The following DPF3 variants were observed in gnomAD, a reference collection of about 807,000 sequenced individuals.
The protein encoded by DPF3 is double PHD fingers 3.
A neutral mutation model predicts 56.8 loss-of-function variants in DPF3; 18 were observed. The ratio of observed to expected loss-of-function variants is 0.32; its 90% CI spans 0.22 to 0.47. The LOEUF (loss-of-function observed/expected upper bound fraction) is 0.47. DPF3 is among the 20% of genes least tolerant of loss of function. The probability of loss-of-function intolerance (pLI) is 1.00; values close to 1 mark genes in which losing one functional copy is unlikely to be tolerated. For synonymous variants in DPF3, 188 were observed against 180.2 expected, an observed-to-expected ratio of 1.04 and a Z score of -0.35; for missense variants, 403 against 488.8, an observed-to-expected ratio of 0.82 and a Z score of 1.65.
intron 6 of DPF3, among the ~76,000 whole-genome samples, chr14:72,698,691 A>T (rs1026312031): frequency 4.6e-5 from 7 of 152,302 alleles, no homozygotes; most frequent in South Asian, 2.1e-4. Context: ...AACATAAAAT[A>T]AAAAAGTAGG....
intron 8 of DPF3, among the ~76,000 whole-genome samples, chr14:72,655,268 A>G (rs1886030863): frequency 6.6e-6 from 1 of 152,148 alleles, no homozygotes; most frequent in South Asian, 2.1e-4. Context: ...AATTTTTGTC[A>G]TTTATCTATA....
chr14:72,611,945 G>A lies in DPF3; in HGVS notation c.*7352C>T, dbSNP rs1567173990. On this transcript the variant is annotated 3_prime_UTR_variant, in exon 11 of 11. Transcript: ENST00000556509. ...CCTACAATCACGATTGCTTGGCAGA[G>A]CTTAATTTCATGGCTGAAAAGCAAC... is the stretch of plus-strand genomic sequence containing the variant. Among the ~76,000 whole-genome samples the A allele has an allele frequency of 6.6e-6, 1 of 152,154 alleles. No individual in the cohort carries two copies. Among genetic ancestry groups the A allele is most frequent in the Non-Finnish European group, 1.5e-5 (1 of 68,032 alleles).
Position 72,619,313 on chromosome 14 carries a change from AAGGCTG to A in DPF3, c.1115_1120del (p.Ser372_Ala373del). ...CCTGGGGCCCTAGGCCTGGCAGCCAAAGGCTGAGGCTTTCTCTTTGAGCAGTTCCCA... is the reference window on the plus strand; with the variant it reads ...CCTGGGGCCCTAGGCCTGGCAGCCAAAGGCTTTCTCTTTGAGCAGTTCCCA... On this transcript the variant is annotated inframe_deletion, in exon 11 of 11. Coordinates refer to ENST00000556509, the MANE Select transcript of DPF3 (RefSeq NM_001280542.3). The A allele has an allele frequency of 6.5e-7, 1 of 1,536,110 alleles. No homozygotes were observed. The highest frequency in any genetic ancestry group is 8.7e-7 in the Non-Finnish European group (1 of 1,146,896).
At chr14:72,646,556 C>T (rs1386143162) in intron 8 of DPF3, among the ~76,000 whole-genome samples, 1 of 152,102 alleles carries the variant, frequency 6.6e-6, no homozygotes, top group African/African-American at 2.4e-5. Flanking sequence ...GGAGGCTGCT[C>T]ATAAATCAGA....
chr14:72,718,771 A>ATTTCTTTTTTTTTTT (rs1889042056), intron 5 of DPF3, among the ~76,000 whole-genome samples: 1 of 93,896 alleles, frequency 1.1e-5, no homozygotes, highest in Non-Finnish European at 1.9e-5. Context: ...CACCCTTGCT[A>ATTTCTTTTTTTTTTT]TTTTTTTTTT....
intron 8 of DPF3, among the ~76,000 whole-genome samples, chr14:72,653,702 G>C (rs1885984731): frequency 6.6e-6 from 1 of 152,156 alleles, no homozygotes; most frequent in Non-Finnish European, 1.5e-5. Context: ...TGGCCTGTCA[G>C]ATACAAAGCT....
intron 1 of DPF3, among the ~76,000 whole-genome samples, chr14:72,842,763 C>A (rs902828799): frequency 3.3e-5 from 5 of 152,318 alleles, no homozygotes; most frequent in African/African-American, 1.2e-4. Context: ...GTGGCTCACA[C>A]TGGTAATCCC....
chr14:72,833,610 A>G (rs1884157094), intron 1 of DPF3, among the ~76,000 whole-genome samples: 2 of 152,200 alleles, frequency 1.3e-5, no homozygotes, highest in Admixed American at 6.5e-5. Context: ...AGAGACCCCA[A>G]AAAACGTTGA....
At chr14:72,786,967 T>C (rs550482265) in intron 1 of DPF3, among the ~76,000 whole-genome samples, 7 of 152,344 alleles carry the variant, frequency 4.6e-5, no homozygotes, top group African/African-American at 1.7e-4. Context: ...TTCCTCCTGT[T>C]GAGTTGCAGG....
At chr14:72,880,085 G>T (rs1054586075) in intron 1 of DPF3, 9 of 853,874 alleles carry the variant, frequency 1.1e-5, no homozygotes, top group South Asian at 2.5e-5. Flanking sequence ...TAAGTTTTCA[G>T]AACTAGCAGA....
At position 72,674,382 on chromosome 14, in the gene DPF3, TA is replaced by T; in HGVS notation, c.743-15del. The T allele has an allele frequency of 6.2e-7, 1 of 1,610,418 alleles. No individual in the cohort carries two copies. The highest frequency in any genetic ancestry group is 8.5e-7 in the Non-Finnish European group (1 of 1,178,292). ...GTCCTTTCTGGGCTGTGGGAACATT[TA>T]AAACATTCCAATTTCAGGCTTACAT... is the stretch of plus-strand genomic sequence containing the variant. On this transcript the variant is annotated splice_polypyrimidine_tract_variant and intron_variant, in intron 7 of 10. Coordinates refer to ENST00000556509, the MANE Select transcript of DPF3 (RefSeq NM_001280542.3).
At chr14:72,835,318 G>A (rs766588494) in intron 1 of DPF3, among the ~76,000 whole-genome samples, 14 of 152,166 alleles carry the variant, frequency 9.2e-5, no homozygotes, top group South Asian at 6.2e-4. Flanking sequence ...CTCCCTCCTC[G>A]GCCTCCCAAA....
chr14:72,878,368 T>C (rs1351672489), intron 1 of DPF3, among the ~76,000 whole-genome samples: 1 of 152,230 alleles, frequency 6.6e-6, no homozygotes, highest in East Asian at 1.9e-4. Context: ...CTATACTTGG[T>C]TGGGACACAG....
At chr14:72,847,517 A>G (rs893885615) in intron 1 of DPF3, among the ~76,000 whole-genome samples, 1 of 151,288 alleles carries the variant, frequency 6.6e-6, no homozygotes, top group Non-Finnish European at 1.5e-5. Context: ...TTTTTTTTTC[A>G]GCGGGGGCAG....
intron 8 of DPF3, among the ~76,000 whole-genome samples, chr14:72,656,361 C>T (rs960085358): frequency 6.6e-6 from 1 of 152,150 alleles, no homozygotes; most frequent in Non-Finnish European, 1.5e-5. Flanking sequence ...CAACACAATA[C>T]TCCTCCAGCT....
rs368674760 is a variant in DPF3 at position 72,673,772 on chromosome 14, G to A, written c.871+468C>T. On this transcript the variant is annotated intron_variant, in intron 8 of 10. Coordinates refer to ENST00000556509, the MANE Select transcript of DPF3 (RefSeq NM_001280542.3). ...TTATGCAGCTAGCCAGGAGCCCGGGGATCTCTGACTCCCACAATTCAAGAT... is the reference window on the plus strand; with the variant it reads ...TTATGCAGCTAGCCAGGAGCCCGGGAATCTCTGACTCCCACAATTCAAGAT... 4.1e-4 allele frequency among the ~76,000 whole-genome samples: 63 copies of A among 152,256 alleles called. No homozygotes were observed. The South Asian group carries it at 0.013, about 31-fold the overall frequency.
At position 72,674,247 on chromosome 14, in the gene DPF3, T is replaced by C; in HGVS notation, c.864A>G (p.Gly288=). 1.2e-6 allele frequency: 2 copies of C among 1,612,646 alleles called. No individual in the cohort carries two copies. The highest frequency in any genetic ancestry group is 8.5e-7 in the Non-Finnish European group (1 of 1,179,426). Residue 288 remains glycine (G), a synonymous_variant, in exon 8 of 11, where the codon GGA becomes GGG. Transcript: ENST00000556509. ...GGAAGGGGCCACACTCACCAGAGCG[T>C]CCACAGTCTGCGCAGGACACCAGCT... is the stretch of plus-strand genomic sequence containing the variant. ...PEELVSCADC[G]RSGHPTCLQF...
chr14:72,795,293 A>T (rs59965728), intron 1 of DPF3, among the ~76,000 whole-genome samples: 41,101 of 105,836 alleles, frequency 0.39, 6,996 homozygotes, highest in Non-Finnish European at 0.45. Context: ...AAAAAAAAAA[A>T]AAATATATAT....
chr14:72,849,966 A>G (rs1884909090), intron 1 of DPF3, among the ~76,000 whole-genome samples: 1 of 152,148 alleles, frequency 6.6e-6, no homozygotes, highest in African/African-American at 2.4e-5. Context: ...TAAAAAATAC[A>G]AAATTAGCCA....
Sources: allele counts gnomAD v4.1 joint callset (sites outside exome capture counted in the v4.1 genomes callset), GRCh38; gene constraint gnomAD v4.1.1; transcripts MANE v1.5; gene names NCBI Gene and HGNC (gene_info 2026-07-23, HGNC 2026-07-21).